Variants in JAZF1 observed in about 807,000 individuals in gnomAD.
The protein encoded by JAZF1 is JAZF zinc finger 1.
Under a neutral mutation model 26.4 loss-of-function variants are expected in JAZF1, and 8 were observed. The observed-to-expected ratio is 0.30, with a 90% confidence interval of 0.18 to 0.55. The LOEUF is 0.55. JAZF1 is among the 20% of genes least tolerant of loss of function. The probability of loss-of-function intolerance (pLI) is 0.94; values close to 1 mark genes in which losing one functional copy is unlikely to be tolerated. For missense variants in JAZF1, 199 were observed against 322.0 expected, an observed-to-expected ratio of 0.62 and a Z score of 2.92; for synonymous variants, 126 against 122.3, an observed-to-expected ratio of 1.03 and a Z score of -0.20.
chr7:28,158,010 T>C (rs374683057), intron 1 of JAZF1, among the ~76,000 whole-genome samples: 1 of 152,060 alleles, frequency 6.6e-6, no homozygotes, highest in Non-Finnish European at 1.5e-5. Flanking sequence ...CCAATGTCTA[T>C]TCTCTCTTTA....
intron 1 of JAZF1, among the ~76,000 whole-genome samples, chr7:28,135,671 A>G (rs849137): frequency 0.75 from 113,720 of 152,128 alleles, 42,830 homozygotes; most frequent in East Asian, 0.98. Flanking sequence ...AAAAGAGGCA[A>G]TTACTTTTTA....
At chr7:27,990,032 C>A (rs1369016346) in intron 2 of JAZF1, among the ~76,000 whole-genome samples, 2 of 152,160 alleles carry the variant, frequency 1.3e-5, no homozygotes, top group African/African-American at 4.8e-5. Context: ...TTGGAACCAA[C>A]CCAAATGTCC....
intron 2 of JAZF1, among the ~76,000 whole-genome samples, chr7:27,904,595 A>T (rs190922161): frequency 3.3e-5 from 5 of 152,130 alleles, no homozygotes; most frequent in Non-Finnish European, 4.4e-5. Flanking sequence ...CTTATCCCAG[A>T]GTTATTTCTG....
chr7:28,151,048 G>A (rs1254283110), intron 1 of JAZF1, among the ~76,000 whole-genome samples: 5 of 151,944 alleles, frequency 3.3e-5, no homozygotes, highest in Non-Finnish European at 5.9e-5. Flanking sequence ...TGAAAGGAAA[G>A]GCATCCAAAT....
At chr7:27,904,890 A>G (rs997673949) in intron 2 of JAZF1, among the ~76,000 whole-genome samples, 1 of 151,658 alleles carries the variant, frequency 6.6e-6, no homozygotes, top group African/African-American at 2.4e-5. Context: ...TTGGGTACCA[A>G]ACTAAAACTG....
intron 2 of JAZF1, among the ~76,000 whole-genome samples, chr7:27,934,543 A>G (rs543046281): frequency 6.6e-6 from 1 of 152,272 alleles, no homozygotes; most frequent in East Asian, 1.9e-4. Flanking sequence ...TGTTATGATA[A>G]ATGCAGTTTG....
intron 2 of JAZF1, among the ~76,000 whole-genome samples, chr7:27,954,328 T>C (rs1247661416): frequency 6.6e-6 from 1 of 152,172 alleles, no homozygotes; most frequent in Non-Finnish European, 1.5e-5. Context: ...TCAGTAAAGA[T>C]GGCCCCTGGA....
At chr7:27,851,358 C>T (rs1332734120) in intron 3 of JAZF1, among the ~76,000 whole-genome samples, 1 of 152,156 alleles carries the variant, frequency 6.6e-6, no homozygotes, top group Admixed American at 6.5e-5. Flanking sequence ...CTTAAAAATA[C>T]ACACATCAAG....
At chr7:28,146,707 T>A (rs1485871985) in intron 1 of JAZF1, among the ~76,000 whole-genome samples, 1 of 152,220 alleles carries the variant, frequency 6.6e-6, no homozygotes, top group Admixed American at 6.5e-5. Context: ...AGTTCTGATC[T>A]TCTTCCTATA....
At position 27,840,660 on chromosome 7, in the gene JAZF1, T is replaced by G. The variant is rs1782905805; in HGVS notation, c.555+38A>C. 1.2e-6 allele frequency: 2 copies of G among 1,605,514 alleles called. No homozygotes were observed. Among genetic ancestry groups the G allele is most frequent in the East Asian group, 4.5e-5 (2 of 44,822 alleles). On this transcript the variant is annotated intron_variant, in intron 4 of 4. Coordinates refer to ENST00000283928, the MANE Select transcript of JAZF1 (RefSeq NM_175061.4). The surrounding 1 kb of genome is among the most constrained non-coding windows in gnomAD (Gnocchi z 5.1). The stretch of plus-strand genomic sequence containing the variant: ...TGCCTTCCATGAAGCTTGCCCTGTT[T>G]CCATGTGGTTATGCCAAGCATGCAG...
chr7:27,959,077 C>T (rs971345894), intron 2 of JAZF1, among the ~76,000 whole-genome samples: 1 of 152,138 alleles, frequency 6.6e-6, no homozygotes, highest in African/African-American at 2.4e-5. Flanking sequence ...AATAAAAAGA[C>T]ATGTTATTAA....
chr7:28,174,821 GGTGTGTGT>G lies in JAZF1; in HGVS notation c.115+5634_115+5641del, dbSNP rs58952216. On this transcript the variant is annotated intron_variant, in intron 1 of 4. Transcript: ENST00000283928. ...CCTGATCCTGCCTATGGGGTGTGTGGGTGTGTGTGTGTGTGTGTGTGTGTGTGTATGCA... is the reference window on the plus strand; with the variant it reads ...CCTGATCCTGCCTATGGGGTGTGTGGGTGTGTGTGTGTGTGTGTGTATGCA... Among the ~76,000 whole-genome samples, 263 of 107,798 alleles carry G rather than the reference GGTGTGTGT, an allele frequency of 2.4e-3. 29 individuals are homozygous for G. Among genetic ancestry groups the G allele is most frequent in the African/African-American group, 7.0e-3 (252 of 35,868 alleles). 70.7% of individuals were successfully genotyped at this position (107,798 alleles called of 152,430 possible). A position where few individuals can be genotyped will look rare whatever the true frequency, so the allele number is the denominator to read the frequency against.
At chr7:27,902,756 C>A (rs991038610) in intron 2 of JAZF1, among the ~76,000 whole-genome samples, 10 of 152,178 alleles carry the variant, frequency 6.6e-5, no homozygotes, top group African/African-American at 2.2e-4. Context: ...GTGGCTCACG[C>A]CTGTAATCCC....
intron 3 of JAZF1, among the ~76,000 whole-genome samples, chr7:27,885,831 T>A (rs901945547): frequency 1.3e-5 from 2 of 152,114 alleles, no homozygotes; most frequent in African/African-American, 4.8e-5. Flanking sequence ...GAATCAGCCT[T>A]CTCTGAGGTT....
At chr7:28,102,307 C>T (rs376709416) in intron 1 of JAZF1, among the ~76,000 whole-genome samples, 1 of 152,368 alleles carries the variant, frequency 6.6e-6, no homozygotes, top group South Asian at 2.1e-4. Context: ...AACAGCTACA[C>T]CTCACAGGAC....
intron 2 of JAZF1, among the ~76,000 whole-genome samples, chr7:27,959,995 T>C (rs116151466): frequency 0.011 from 1,615 of 152,290 alleles, 25 homozygotes; most frequent in African/African-American, 0.036. Flanking sequence ...AAGGACAGAC[T>C]GTACCAACGT....
Position 27,970,307 on chromosome 7 carries a change from G to A in JAZF1, c.188+21602C>T, listed in dbSNP as rs75368242. ...AAACTTTGGAATCACATAAATTTCG[G>A]TAAGAACCCACTTCTAAAAGCTTGA... is the stretch of plus-strand genomic sequence containing the variant. On this transcript the variant is annotated intron_variant, in intron 2 of 4. Coordinates refer to ENST00000283928, the MANE Select transcript of JAZF1 (RefSeq NM_175061.4). 5.3e-3 allele frequency among the ~76,000 whole-genome samples: 801 copies of A among 152,288 alleles called. 9 individuals carry two copies. The highest frequency in any genetic ancestry group is 0.018 in the African/African-American group (761 of 41,564).
chr7:28,071,494 G>A (rs920524140), intron 1 of JAZF1: 3 of 409,064 alleles, frequency 7.3e-6, no homozygotes, highest in South Asian at 5.7e-5. Flanking sequence ...CTTCCTCATA[G>A]AACCATTTGG....
At chr7:28,082,850 T>C (rs1178139251) in intron 1 of JAZF1, among the ~76,000 whole-genome samples, 1 of 152,096 alleles carries the variant, frequency 6.6e-6, no homozygotes, top group East Asian at 1.9e-4. Flanking sequence ...CTCCACAAGG[T>C]AGCCAGGGCC....
Sources: gnomAD v4.1 joint callset for allele counts (sites outside exome capture counted in the v4.1 genomes callset) on GRCh38, gnomAD v4.1.1 for gene constraint, Gnocchi (gnomAD v3.1) non-coding constraint, MANE v1.5 for transcripts, NCBI Gene and HGNC (gene_info 2026-07-23, HGNC 2026-07-21) for gene names.